CSPG5: variants seen among roughly 807,000 people sequenced by gnomAD.
CSPG5 encodes the protein chondroitin sulfate proteoglycan 5.
A neutral mutation model predicts 39.8 loss-of-function variants in CSPG5; 25 were observed. The observed-to-expected ratio is 0.63, with a 90% CI of 0.46 to 0.88. The LOEUF is 0.88. CSPG5 is among the 40% of genes least tolerant of loss of function. The probability of loss-of-function intolerance (pLI) is 0.00; values close to 1 mark genes in which losing one functional copy is unlikely to be tolerated. For synonymous variants in CSPG5, 295 were observed against 303.9 expected (o/e 0.97, Z 0.31); for missense variants, 627 against 702.2 (o/e 0.89, Z 1.21).
At chr3:47,573,749 C>A (rs1322236259) in intron 2 of CSPG5, among the ~76,000 whole-genome samples, 1 of 152,164 alleles carries the variant, frequency 6.6e-6, no homozygotes, top group Non-Finnish European at 1.5e-5. Context: ...AAATTATGCA[C>A]CAGAAAACTG....
chr3:47,577,603 AG>A lies in CSPG5; in HGVS notation c.422del (p.Pro141LeufsTer21). ...HEVLGQSIMP[P>X]AIPEATEASG... is the part of the protein sequence containing the mutation. The stretch of plus-strand genomic sequence containing the variant: ...TGGCCTCTGTAGCCTCAGGAATGGC[AG>A]GGGGCATGATTGACTGCCCGAGGAC... On this transcript the variant is annotated frameshift_variant, in exon 2 of 5. Coordinates refer to ENST00000264723, the MANE Select transcript of CSPG5 (RefSeq NM_006574.4). LOFTEE classifies it high-confidence loss of function. This position sits in a 1 kb window ranked among gnomAD's most constrained non-coding sequence, Gnocchi z 4.7. The A allele has an allele frequency of 1.2e-6, 2 of 1,611,340 alleles. No individual in the cohort carries two copies. The highest frequency in any genetic ancestry group is 2.2e-5 in the South Asian group (2 of 90,964).
Position 47,577,667 on chromosome 3 carries a change from G to A in CSPG5, c.359C>T (p.Ala120Val), listed in dbSNP as rs781470055. ...GVTAEAGSGDAQALPATLQAP... is the reference protein window; with the variant it reads ...GVTAEAGSGDVQALPATLQAP... Reference sequence around the variant, plus strand: ...CTGGAGCGTAGCTGGAAGGGCCTGGGCATCGCCGCTGCCCGCCTCTGCGGT... The same window carrying A: ...CTGGAGCGTAGCTGGAAGGGCCTGGACATCGCCGCTGCCCGCCTCTGCGGT... Residue 120 changes from alanine to valine, a missense_variant, in exon 2 of 5, where the codon GCC becomes GTC. Physicochemically the swap from Ala to Val is moderately conservative, Grantham distance 64. Transcript: ENST00000264723. This position sits in a 1 kb window ranked among gnomAD's most constrained non-coding sequence, Gnocchi z 4.7. 2 of 1,601,918 alleles carry A rather than the reference G, an allele frequency of 1.2e-6. No homozygotes were observed. Among genetic ancestry groups the A allele is most frequent in the Non-Finnish European group, 1.7e-6 (2 of 1,175,854 alleles).
rs1233534494 is a variant in CSPG5, at chr3:47,578,400, C to A, written c.97+197G>T. On this transcript the variant is annotated intron_variant, in intron 1 of 4. Coordinates refer to ENST00000264723, the MANE Select transcript of CSPG5 (RefSeq NM_006574.4). The surrounding 1 kb of genome is among the most constrained non-coding windows in gnomAD (Gnocchi z 6.0). The stretch of plus-strand genomic sequence containing the variant: ...GCGCTTGGGTCCCGGCTACCCCAAC[C>A]GGGGTCGGCCCCCACGCGGGTCGGC... 2.7e-5 allele frequency among the ~76,000 whole-genome samples: 4 copies of A among 150,330 alleles called. No individual in the cohort carries two copies. The highest frequency in any genetic ancestry group is 9.7e-5 in the African/African-American group (4 of 41,104).
At chr3:47,576,602 G>A (rs2031745841) in intron 2 of CSPG5, among the ~76,000 whole-genome samples, 1 of 152,070 alleles carries the variant, frequency 6.6e-6, no homozygotes, top group Non-Finnish European at 1.5e-5. Flanking sequence ...GGGACTACAG[G>A]TGCCTGCCAC....
At chr3:47,568,755 C>T (rs553751895) in intron 4 of CSPG5, among the ~76,000 whole-genome samples, 1 of 152,170 alleles carries the variant, frequency 6.6e-6, no homozygotes, top group Non-Finnish European at 1.5e-5. Flanking sequence ...GTGGCTCACA[C>T]CTATAATCCT....
At chr3:47,563,746 G>A (rs2031183812) in intron 4 of CSPG5, among the ~76,000 whole-genome samples, 1 of 152,054 alleles carries the variant, frequency 6.6e-6, no homozygotes, top group Non-Finnish European at 1.5e-5. Context: ...TAGAGATAGG[G>A]TTTCACCATG....
At chr3:47,576,754 C>T (rs983320180) in intron 2 of CSPG5, 79 bp downstream of exon 2, 36 of 1,471,364 alleles carry the variant, frequency 2.4e-5, no homozygotes, top group Non-Finnish European at 3.1e-5. Flanking sequence ...GCCAACGCGC[C>T]CGGCTACGCT....
At chr3:47,568,727 ATCT>A (rs1428280565) in intron 4 of CSPG5, among the ~76,000 whole-genome samples, 4 of 152,246 alleles carry the variant, frequency 2.6e-5, no homozygotes, top group East Asian at 1.9e-4. Flanking sequence ...CTAGAAAAAG[ATCT>A]TCTCAGCCAG....
At chr3:47,570,523 T>A (rs2031488871) in intron 3 of CSPG5, among the ~76,000 whole-genome samples, 1 of 152,052 alleles carries the variant, frequency 6.6e-6, no homozygotes, top group South Asian at 2.1e-4. Context: ...GCTTTTTTTT[T>A]TTTTGAGACA....
At position 47,578,605 on chromosome 3, in the gene CSPG5, G is replaced by A; in HGVS notation, c.89C>T (p.Ala30Val). Reference protein sequence around the residue: ...LGAALVLASGAVPAREAGSAV... With the variant: ...LGAALVLASGVVPAREAGSAV... ...GGCGCAGTCATACCTACCCGGCACGGCCCCAGAGGCCAGGACCAGCGCGGC... is the reference window on the plus strand; with the variant it reads ...GGCGCAGTCATACCTACCCGGCACGACCCCAGAGGCCAGGACCAGCGCGGC... Residue 30 changes from alanine to valine, a missense_variant, in exon 1 of 5, where the codon GCC becomes GTC. Ala to Val is a moderately conservative substitution (Grantham distance 64). Coordinates refer to ENST00000264723, the MANE Select transcript of CSPG5 (RefSeq NM_006574.4). The surrounding 1 kb of genome is among the most constrained non-coding windows in gnomAD (Gnocchi z 6.0). 8.7e-7 allele frequency: 1 copy of A among 1,155,244 alleles called. No homozygotes were observed. The allele number at this position is 1,155,244 out of a possible 1,614,324, so 71.6% of individuals were successfully genotyped here. A position where few individuals can be genotyped will look rare whatever the true frequency, so the allele number is the denominator to read the frequency against.
chr3:47,562,994 A>G (rs2031145706), intron 4 of CSPG5, among the ~76,000 whole-genome samples: 1 of 152,182 alleles, frequency 6.6e-6, no homozygotes, highest in African/African-American at 2.4e-5. Flanking sequence ...CAGTTTACAA[A>G]TAACTTTAAT....
In CSPG5 at chr3:47,577,120, C is replaced by A; in HGVS notation, c.906G>T (p.Val302=). 6.2e-7 allele frequency: 1 copy of A among 1,613,936 alleles called. No homozygotes were observed. The highest frequency in any genetic ancestry group is 8.5e-7 in the Non-Finnish European group (1 of 1,180,026). The change falls in exon 2 of 5, where the codon GTG becomes GTT. Residue 302 remains valine, a synonymous_variant. Transcript: ENST00000264723. This position sits in a 1 kb window ranked among gnomAD's most constrained non-coding sequence, Gnocchi z 4.7. The part of the protein sequence containing the change: ...GDLEDENELL[V]PTGKPGLGPG... ...GCCCCAGACCAGGCTTCCCAGTGGG[C>A]ACTAGAAGCTCATTTTCATCTTCTA...
chr3:47,572,959 A>C lies in CSPG5; in HGVS notation c.1194-85T>G. The C allele has an allele frequency of 1.7e-6, 2 of 1,147,310 alleles. No individual in the cohort carries two copies. Among genetic ancestry groups the C allele is most frequent in the Non-Finnish European group, 2.5e-6 (2 of 806,972 alleles). 71.1% of individuals were successfully genotyped at this position (1,147,310 alleles called of 1,614,324 possible). On this transcript the variant is annotated intron_variant, in intron 2 of 4. Transcript: ENST00000264723. The surrounding 1 kb of genome is among the most constrained non-coding windows in gnomAD (Gnocchi z 4.5). ...GGCCTGGGCCCTGACCCCAACACCT[A>C]TCTCCACAGCCTGTTCCGAAGGCCA...
chr3:47,577,060 A>C lies in CSPG5; in HGVS notation c.966T>G (p.Ala322=). 1.2e-6 allele frequency: 2 copies of C among 1,613,658 alleles called. No individual in the cohort carries two copies. The highest frequency in any genetic ancestry group is 1.7e-6 in the Non-Finnish European group (2 of 1,179,968). Residue 322 remains alanine, a synonymous_variant, in exon 2 of 5, where the codon GCT becomes GCG. Transcript: ENST00000264723. This position sits in a 1 kb window ranked among gnomAD's most constrained non-coding sequence, Gnocchi z 4.7. The part of the protein sequence containing the change: ...GTGQPTSRWH[A]VPPQHTLGSV... ...ACCCCAGAGTGTGCTGTGGAGGGACAGCATGCCACCGACTGGTGGGCTGGC... is the reference window on the plus strand; with the variant it reads ...ACCCCAGAGTGTGCTGTGGAGGGACCGCATGCCACCGACTGGTGGGCTGGC...
chr3:47,566,207 G>A (rs1041251200), intron 4 of CSPG5, among the ~76,000 whole-genome samples: 7 of 149,734 alleles, frequency 4.7e-5, no homozygotes, highest in Admixed American at 1.3e-4. Flanking sequence ...ATAACACCTC[G>A]ATGCAAATAA....
At chr3:47,563,303 T>C (rs974842581) in intron 4 of CSPG5, among the ~76,000 whole-genome samples, 4 of 152,170 alleles carry the variant, frequency 2.6e-5, no homozygotes, top group Non-Finnish European at 4.4e-5. Flanking sequence ...AGGTCAAAGA[T>C]GTGTCAGCCT....
chr3:47,577,289 G>A lies in CSPG5; in HGVS notation c.737C>T (p.Pro246Leu). 1 of 1,613,694 alleles carries A rather than the reference G, an allele frequency of 6.2e-7. No individual in the cohort carries two copies. The highest frequency in any genetic ancestry group is 8.5e-7 in the Non-Finnish European group (1 of 1,179,782). ...GTATAAGTCAAGCAGGCTCCAGGAA[G>A]GGGTCTCTCCCTCAGTATCAGGGTG... ...ENHPDTEGET[P>L]SWSLLDLYDD... Residue 246 changes from proline (P) to leucine (L), a missense_variant, in exon 2 of 5, where the codon CCT (proline) becomes CTT (leucine). Transcript: ENST00000264723. This position sits in a 1 kb window ranked among gnomAD's most constrained non-coding sequence, Gnocchi z 4.7.
At chr3:47,568,986 G>T (rs2031414949) in intron 4 of CSPG5, 166 bp downstream of exon 4, 1 of 1,266,046 alleles carries the variant, frequency 7.9e-7, no homozygotes, top group Non-Finnish European at 1.1e-6. Flanking sequence ...AGCTCTCTGG[G>T]GATTTCATAT....
Position 47,576,943 on chromosome 3 carries a change from A to G in CSPG5, c.1083T>C (p.Ser361=). Residue 361 remains serine (S), a synonymous_variant, in exon 2 of 5, where the codon AGT becomes AGC. Coordinates refer to ENST00000264723, the MANE Select transcript of CSPG5 (RefSeq NM_006574.4). ...ASSENGTECR[S]GFVRHNGSCR... ...AGGAGCCGTTATGCCGCACAAAGCCACTGCGGCACTCAGTGCCATTTTCAC... is the reference window on the plus strand; with the variant it reads ...AGGAGCCGTTATGCCGCACAAAGCCGCTGCGGCACTCAGTGCCATTTTCAC... 2 of 1,613,562 alleles carry G rather than the reference A, an allele frequency of 1.2e-6. No individual in the cohort carries two copies. The highest frequency in any genetic ancestry group is 1.7e-6 in the Non-Finnish European group (2 of 1,179,710).
Sources: gnomAD v4.1 joint callset for allele counts (sites outside exome capture counted in the v4.1 genomes callset) on GRCh38, gnomAD v4.1.1 for gene constraint, Gnocchi (gnomAD v3.1) non-coding constraint, MANE v1.5 for transcripts, NCBI Gene and HGNC (gene_info 2026-07-23, HGNC 2026-07-21) for gene names.